The following RIT2 variants were observed in gnomAD, a reference collection of about 807,000 sequenced individuals.
The protein encoded by RIT2 is Ras like without CAAX 2.
A neutral mutation model predicts 23.7 loss-of-function variants in RIT2; 24 were observed. The ratio of observed to expected loss-of-function variants is 1.01; its 90% CI spans 0.73 to 1.43. RIT2 has a LOEUF of 1.43. Ranked by LOEUF, RIT2 falls within the 40% of genes most tolerant of loss-of-function variation. The probability of loss-of-function intolerance (pLI) is 0.00; values close to 1 mark genes in which losing one functional copy is unlikely to be tolerated. For missense variants in RIT2, 236 were observed against 266.9 expected, an observed-to-expected ratio of 0.88 and a Z score of 0.81; for synonymous variants, 107 against 91.1, an observed-to-expected ratio of 1.17 and a Z score of -0.99.
At chr18:42,944,608 G>T (rs1909684193) in intron 3 of RIT2, among the ~76,000 whole-genome samples, 3 of 152,088 alleles carry the variant, frequency 2.0e-5, no homozygotes, top group Admixed American at 2.0e-4. Context: ...CCAGGACTAT[G>T]AATTTTTATC....
In RIT2 at chr18:43,005,763, C is replaced by T. The variant is rs74619324; in HGVS notation, c.160+28048G>A. On this transcript the variant is annotated intron_variant, in intron 2 of 4. Transcript: ENST00000326695. ...GATTTAAGACTTATTACTGAATGCT[C>T]CACATTGCATGGGATCAGCATATGT... 2.6e-3 allele frequency among the ~76,000 whole-genome samples: 393 copies of T among 151,882 alleles called. 1 individual carries two copies. The highest frequency in any genetic ancestry group is 8.9e-3 in the African/African-American group (370 of 41,492).
intron 3 of RIT2, among the ~76,000 whole-genome samples, chr18:42,949,800 A>T (rs1241613690): frequency 6.6e-6 from 1 of 151,018 alleles, no homozygotes; most frequent in African/African-American, 2.5e-5. Flanking sequence ...TTGGTTGAAT[A>T]AAAAAAAATA....
chr18:42,749,993 A>G (rs1483434920), intron 4 of RIT2, among the ~76,000 whole-genome samples: 1 of 151,802 alleles, frequency 6.6e-6, no homozygotes, highest in African/African-American at 2.4e-5. Flanking sequence ...TTGATAACTA[A>G]TTTGCTATAT....
chr18:43,065,994 T>A (rs1912763044), intron 1 of RIT2, among the ~76,000 whole-genome samples: 1 of 152,202 alleles, frequency 6.6e-6, no homozygotes. Flanking sequence ...GCTTTAATTT[T>A]ATGACAACAA....
At chr18:43,058,904 T>C (rs536726576) in intron 1 of RIT2, among the ~76,000 whole-genome samples, 8 of 151,676 alleles carry the variant, frequency 5.3e-5, no homozygotes, top group African/African-American at 1.9e-4. Flanking sequence ...AAGAAAAAAA[T>C]AGCTTATTTT....
intron 1 of RIT2, among the ~76,000 whole-genome samples, chr18:43,076,874 C>T (rs1175256074): frequency 6.6e-6 from 1 of 151,814 alleles, no homozygotes; most frequent in Non-Finnish European, 1.5e-5. Context: ...GAGGCCGAGG[C>T]GGGCGGATCA....
At chr18:42,882,811 T>G (rs1231581415) in intron 4 of RIT2, among the ~76,000 whole-genome samples, 1 of 152,168 alleles carries the variant, frequency 6.6e-6, no homozygotes, top group African/African-American at 2.4e-5. Flanking sequence ...TCAGAATTGC[T>G]CCTACAGACT....
At chr18:43,019,378 C>A (rs1911545711) in intron 2 of RIT2, among the ~76,000 whole-genome samples, 1 of 151,678 alleles carries the variant, frequency 6.6e-6, no homozygotes, top group Non-Finnish European at 1.5e-5. Context: ...AAGGATGATT[C>A]AACATATGCA....
Position 42,761,649 on chromosome 18 carries a change from A to G in RIT2, c.427-17929T>C, listed in dbSNP as rs566858712. Among the ~76,000 whole-genome samples, 253 of 152,274 alleles carry G rather than the reference A, an allele frequency of 1.7e-3. 1 individual carries two copies. The highest frequency in any genetic ancestry group is 5.9e-3 in the African/African-American group (246 of 41,540). On this transcript the variant is annotated intron_variant, in intron 4 of 4. Transcript: ENST00000326695. Reference sequence around the variant, plus strand: ...CCCCTCTCATAATATGTGAGTATCAAAGCAACCTGAACTTGCTCTTATTTT... The same window carrying G: ...CCCCTCTCATAATATGTGAGTATCAGAGCAACCTGAACTTGCTCTTATTTT...
intron 2 of RIT2, among the ~76,000 whole-genome samples, chr18:43,033,447 G>A (rs1046072453): frequency 4.6e-5 from 7 of 152,110 alleles, no homozygotes; most frequent in African/African-American, 1.7e-4. Context: ...ACTGACAGAA[G>A]TGAGCAAATA....
intron 4 of RIT2, among the ~76,000 whole-genome samples, chr18:42,811,686 A>G (rs987730267): frequency 1.3e-5 from 2 of 152,138 alleles, no homozygotes; most frequent in African/African-American, 4.8e-5. Flanking sequence ...AAAATATGTC[A>G]TGTCAATCCA....
At chr18:42,842,055 G>A (rs1568010177) in intron 4 of RIT2, among the ~76,000 whole-genome samples, 1 of 152,174 alleles carries the variant, frequency 6.6e-6, no homozygotes, top group Non-Finnish European at 1.5e-5. Context: ...GCCAGTTGAG[G>A]GAGGTAAAAA....
chr18:42,965,734 T>TTTTTTTTTTG (rs1910206113), intron 3 of RIT2, among the ~76,000 whole-genome samples: 1 of 133,980 alleles, frequency 7.5e-6, no homozygotes, highest in Non-Finnish European at 1.6e-5. Flanking sequence ...TTTTTTTTTT[T>TTTTTTTTTTG]TTTTTTTTTT....
At chr18:42,754,118 G>GC (rs1913108116) in intron 4 of RIT2, among the ~76,000 whole-genome samples, 1 of 152,114 alleles carries the variant, frequency 6.6e-6, no homozygotes, top group Non-Finnish European at 1.5e-5. Flanking sequence ...TGCAAACTAA[G>GC]CAAAAAACTC....
At chr18:42,932,122 G>A (rs1418774573) in intron 3 of RIT2, among the ~76,000 whole-genome samples, 1 of 152,120 alleles carries the variant, frequency 6.6e-6, no homozygotes, top group Non-Finnish European at 1.5e-5. Context: ...TGTATTGAGA[G>A]GCCAGCACTC....
intron 2 of RIT2, among the ~76,000 whole-genome samples, chr18:42,998,756 C>A (rs371405960): frequency 1.1e-4 from 17 of 152,134 alleles, no homozygotes; most frequent in African/African-American, 4.1e-4. Context: ...AGTGGGTGTG[C>A]TAAAGCTTAG....
In RIT2 at chr18:43,053,288, T is replaced by C. The variant is rs566317516; in HGVS notation, c.104-19421A>G. On this transcript the variant is annotated intron_variant, in intron 1 of 4. Coordinates refer to ENST00000326695, the MANE Select transcript of RIT2 (RefSeq NM_002930.4). ...TATGCTCACTTCATAAATAAGGAAATTGAGGCACAGGGAGTTTAGGAAACT... is the reference window on the plus strand; with the variant it reads ...TATGCTCACTTCATAAATAAGGAAACTGAGGCACAGGGAGTTTAGGAAACT... 4.8e-4 allele frequency among the ~76,000 whole-genome samples: 73 copies of C among 152,090 alleles called. 2 individuals carry two copies. The South Asian group carries it at 0.015, about 31-fold the overall frequency.
rs1390461641 is a variant in RIT2, at chr18:42,878,835, G to GC, written c.426+44736dup. ...AATTCAGCTTTCTGTACCGCCCCCC[G>GC]CCCCCCGCCACCAATTCTTACTTCT... On this transcript the variant is annotated intron_variant, in intron 4 of 4. Transcript: ENST00000326695. Among the ~76,000 whole-genome samples, 4 of 84,546 alleles carry GC rather than the reference G, an allele frequency of 4.7e-5. No individual in the cohort carries two copies. The East Asian group carries it at 1.4e-3, about 30-fold the overall frequency. 55.5% of individuals were successfully genotyped at this position (84,546 alleles called of 152,430 possible).
intron 1 of RIT2, among the ~76,000 whole-genome samples, chr18:43,044,278 G>A (rs561192953): frequency 3.7e-4 from 57 of 152,104 alleles, no homozygotes; most frequent in Non-Finnish European, 7.1e-4. Flanking sequence ...CCACTTTAAT[G>A]ACAGCTTTCA....
Sources: allele counts gnomAD v4.1 joint callset (sites outside exome capture counted in the v4.1 genomes callset), GRCh38; gene constraint gnomAD v4.1.1; transcripts MANE v1.5; gene names NCBI Gene and HGNC (gene_info 2026-07-23, HGNC 2026-07-21).